Variants in TPMT observed in about 807,000 individuals in gnomAD.
The protein encoded by TPMT is thiopurine S-methyltransferase.
In TPMT, 18 loss-of-function variants were observed where a neutral mutation model predicts 34.2. That is an observed-to-expected ratio of 0.53 (90% CI 0.36 to 0.78). The LOEUF is 0.78. Ranked by LOEUF, TPMT falls within the 30% of genes least tolerant of loss-of-function variation. TPMT has a pLI of 0.00. For missense variants in TPMT, 265 were observed against 288.1 expected, an observed-to-expected ratio of 0.92 and a Z score of 0.58; for synonymous variants, 69 against 92.4, an observed-to-expected ratio of 0.75 and a Z score of 1.45.
rs1442210558 is a variant in TPMT at position 18,132,962 on chromosome 6, C to A, written c.581-785G>T. On this transcript the variant is annotated intron_variant, in intron 7 of 8. Transcript: ENST00000309983. This position sits in a 1 kb window ranked among gnomAD's most constrained non-coding sequence, Gnocchi z 4.8. Reference sequence around the variant, plus strand: ...TACAGAAATTAGCTGGGTGTGATGGCATACACTGTAATCCCAGCTACTTGG... The same window carrying A: ...TACAGAAATTAGCTGGGTGTGATGGAATACACTGTAATCCCAGCTACTTGG... Among the ~76,000 whole-genome samples the A allele has an allele frequency of 6.6e-6, 1 of 151,896 alleles. No homozygotes were observed. The highest frequency in any genetic ancestry group is 2.1e-4 in the South Asian group (1 of 4,816).
chr6:18,152,230 G>A (rs563332955), intron 1 of TPMT, among the ~76,000 whole-genome samples: 7 of 152,200 alleles, frequency 4.6e-5, no homozygotes, highest in Admixed American at 2.0e-4. Flanking sequence ...TCTCATTGCT[G>A]GTTTAGAATT....
In TPMT at chr6:18,131,092, T is replaced by C. The variant is rs984603887; in HGVS notation, c.626-312A>G. ...GATGGAGGTTGCAGTGAGCTGAGAT[T>C]GCACCATCGCGCTCTAGCCTAGGCA... On this transcript the variant is annotated intron_variant, in intron 8 of 8. Transcript: ENST00000309983. The surrounding 1 kb of genome is among the most constrained non-coding windows in gnomAD (Gnocchi z 4.3). 6.6e-6 allele frequency among the ~76,000 whole-genome samples: 1 copy of C among 152,196 alleles called. No individual in the cohort carries two copies. The highest frequency in any genetic ancestry group is 2.4e-5 in the African/African-American group (1 of 41,440).
Position 18,133,790 on chromosome 6 carries a change from C to A in TPMT, c.580+14G>T, listed in dbSNP as rs2842949. ...CAACTGGTAAAAGAAAAAAAAAAAA[C>A]CCAACAACTTTACCTGGATGTTTAG... is the stretch of plus-strand genomic sequence containing the variant. On this transcript the variant is annotated intron_variant, in intron 7 of 8. Transcript: ENST00000309983. 1,078,403 of 1,548,776 alleles carry A rather than the reference C, an allele frequency of 0.7. 378,858 individuals carry two copies. The highest frequency in any genetic ancestry group is 0.74 in the East Asian group (32,697 of 44,222).
In TPMT at chr6:18,146,655, AT is replaced by A. The variant is rs1784252945; in HGVS notation, c.233+1167del. 6.6e-6 allele frequency among the ~76,000 whole-genome samples: 1 copy of A among 152,112 alleles called. No individual in the cohort carries two copies. Among genetic ancestry groups the A allele is most frequent in the African/African-American group, 2.4e-5 (1 of 41,482 alleles). On this transcript the variant is annotated intron_variant, in intron 3 of 8. Transcript: ENST00000309983. This position sits in a 1 kb window ranked among gnomAD's most constrained non-coding sequence, Gnocchi z 6.2. ...ACATGACAATCTGTTTATAGAGTTA[AT>A]TTTTTTTGAGGGTAATTTTGAAAGT...
At chr6:18,147,266 G>T (rs1159189919) in intron 3 of TPMT, among the ~76,000 whole-genome samples, 2 of 152,198 alleles carry the variant, frequency 1.3e-5, no homozygotes, top group Non-Finnish European at 2.9e-5. Flanking sequence ...GTAACTCATA[G>T]TAAAAGTGGC....
At chr6:18,155,135 TCCGCCCGCGCCCCG>T (rs1784473154), upstream of TPMT, 3 of 8,060 alleles carry the variant, frequency 3.7e-4, no homozygotes, top group African/African-American at 8.4e-4. The surrounding 1 kb of genome is among the most constrained non-coding windows in gnomAD (Gnocchi z 6.2). Flanking sequence ...GCGCCCCGCC[TCCGCCCGCGCCCCG>T]CCTCCGCCCG....
Position 18,148,080 on chromosome 6 carries a change from A to G in TPMT, c.141-165T>C. Reference sequence around the variant, plus strand: ...AAACAGGTAACTTGCTCAGACACACACCCAGTCAGTGGTAAATCTGACTTA... The same window carrying G: ...AAACAGGTAACTTGCTCAGACACACGCCCAGTCAGTGGTAAATCTGACTTA... On this transcript the variant is annotated intron_variant, in intron 2 of 8. Coordinates refer to ENST00000309983, the MANE Select transcript of TPMT (RefSeq NM_000367.5). This position sits in a 1 kb window ranked among gnomAD's most constrained non-coding sequence, Gnocchi z 4.1. Among the ~76,000 whole-genome samples, 1 of 152,144 alleles carries G rather than the reference A, an allele frequency of 6.6e-6. No homozygotes were observed. The highest frequency in any genetic ancestry group is 2.4e-5 in the African/African-American group (1 of 41,438).
chr6:18,150,627 T>C lies in TPMT; in HGVS notation c.-44-1456A>G, dbSNP rs76571174. On this transcript the variant is annotated intron_variant, in intron 1 of 8. Transcript: ENST00000309983. This position sits in a 1 kb window ranked among gnomAD's most constrained non-coding sequence, Gnocchi z 5.3. ...TTATTTTTTAGTGACCACGCTTATATTGGTGAAGCCTAACCTCCAGAGCTT... is the reference window on the plus strand; with the variant it reads ...TTATTTTTTAGTGACCACGCTTATACTGGTGAAGCCTAACCTCCAGAGCTT... 8.4e-3 allele frequency among the ~76,000 whole-genome samples: 1,276 copies of C among 152,312 alleles called. 22 individuals are homozygous for C. The highest frequency in any genetic ancestry group is 0.029 in the African/African-American group (1,212 of 41,572).
intron 4 of TPMT, among the ~76,000 whole-genome samples, chr6:18,141,478 T>C (rs1784140061): frequency 6.6e-6 from 1 of 151,948 alleles, no homozygotes; most frequent in African/African-American, 2.4e-5. Flanking sequence ...TAGCTAGGAT[T>C]ATAGGTATGC....
In TPMT at chr6:18,135,416, G is replaced by A. The variant is rs558592463; in HGVS notation, c.495-1527C>T. ...ACTGGTTTACATTAGGCAAGAACTC[G>A]AGAGTCACAGCAGAAAATACATCAG... On this transcript the variant is annotated intron_variant, in intron 6 of 8. Coordinates refer to ENST00000309983, the MANE Select transcript of TPMT (RefSeq NM_000367.5). The surrounding 1 kb of genome is among the most constrained non-coding windows in gnomAD (Gnocchi z 5.0). Among the ~76,000 whole-genome samples, 2 of 152,118 alleles carry A rather than the reference G, an allele frequency of 1.3e-5. No individual in the cohort carries two copies. Among genetic ancestry groups the A allele is most frequent in the Non-Finnish European group, 2.9e-5 (2 of 68,028 alleles).
At position 18,150,569 on chromosome 6, in the gene TPMT, G is replaced by C. The variant is rs749294955; in HGVS notation, c.-44-1398C>G. On this transcript the variant is annotated intron_variant, in intron 1 of 8. Coordinates refer to ENST00000309983, the MANE Select transcript of TPMT (RefSeq NM_000367.5). This position sits in a 1 kb window ranked among gnomAD's most constrained non-coding sequence, Gnocchi z 5.3. ...GATTTCCTTCTTGTCTGAATCTCCAGCTTTATTTCATGTCTTCCTCTTTTT... is the reference window on the plus strand; with the variant it reads ...GATTTCCTTCTTGTCTGAATCTCCACCTTTATTTCATGTCTTCCTCTTTTT... Among the ~76,000 whole-genome samples the C allele has an allele frequency of 4.6e-5, 7 of 152,124 alleles. No individual in the cohort carries two copies. The highest frequency in any genetic ancestry group is 1.0e-4 in the Non-Finnish European group (7 of 68,030).
rs562354098 is a variant in TPMT, at chr6:18,135,555, C to G, written c.495-1666G>C. On this transcript the variant is annotated intron_variant, in intron 6 of 8. Transcript: ENST00000309983. This position sits in a 1 kb window ranked among gnomAD's most constrained non-coding sequence, Gnocchi z 5.0. ...AGCATGTAGATAAAGAACTAAGATA[C>G]TAAGTACCAGCACATATATAAAATA... Among the ~76,000 whole-genome samples the G allele has an allele frequency of 4.6e-5, 7 of 152,250 alleles. No homozygotes were observed. In the South Asian group the frequency reaches 1.2e-3, roughly 27 times the overall value.
In TPMT at chr6:18,140,301, A is replaced by G. The variant is rs138468598; in HGVS notation, c.367-584T>C. Among the ~76,000 whole-genome samples the G allele has an allele frequency of 3.9e-5, 6 of 152,284 alleles. No individual in the cohort carries two copies. The highest frequency in any genetic ancestry group is 1.4e-4 in the African/African-American group (6 of 41,574). Reference sequence around the variant, plus strand: ...GGGCACAGAGAACATTACAATCCAGAATGGCCTGCTCTGTTGTGGTTCTGT... The same window carrying G: ...GGGCACAGAGAACATTACAATCCAGGATGGCCTGCTCTGTTGTGGTTCTGT... On this transcript the variant is annotated intron_variant, in intron 4 of 8. Transcript: ENST00000309983. This position sits in a 1 kb window ranked among gnomAD's most constrained non-coding sequence, Gnocchi z 4.7.
chr6:18,142,228 C>G (rs556081800), intron 4 of TPMT, among the ~76,000 whole-genome samples: 2 of 151,934 alleles, frequency 1.3e-5, no homozygotes, highest in South Asian at 2.1e-4. Flanking sequence ...TATTAAACCT[C>G]CACTCCTGAA....
chr6:18,143,514 G>A lies in TPMT; in HGVS notation c.366+82C>T. 11 of 1,553,816 alleles carry A rather than the reference G, an allele frequency of 7.1e-6. No homozygotes were observed. Among genetic ancestry groups the A allele is most frequent in the Non-Finnish European group, 8.8e-6 (10 of 1,130,022 alleles). ...GCTAAATAGGAACCATCGGACACAT[G>A]AATGGTATCCTCATAATACTCACAC... On this transcript the variant is annotated intron_variant, in intron 4 of 8. Coordinates refer to ENST00000309983, the MANE Select transcript of TPMT (RefSeq NM_000367.5). This position sits in a 1 kb window ranked among gnomAD's most constrained non-coding sequence, Gnocchi z 6.1.
rs2842947 is a variant in TPMT at position 18,132,591 on chromosome 6, C to T, written c.581-414G>A. Among the ~76,000 whole-genome samples, 116,746 of 151,930 alleles carry T rather than the reference C, an allele frequency of 0.77. 44,961 individuals are homozygous for T. Among genetic ancestry groups the T allele is most frequent in the African/African-American group, 0.79 (32,587 of 41,434 alleles). ...CGCCCCCTTCTAAGAGCAGTATCCT[C>T]AGACTCCACCTCCAGACAGGGCCTG... On this transcript the variant is annotated intron_variant, in intron 7 of 8. Coordinates refer to ENST00000309983, the MANE Select transcript of TPMT (RefSeq NM_000367.5). The surrounding 1 kb of genome is among the most constrained non-coding windows in gnomAD (Gnocchi z 4.8).
chr6:18,130,698 A>T lies in TPMT; in HGVS notation c.708T>A (p.Phe236Leu). 7 of 1,612,550 alleles carry T rather than the reference A, an allele frequency of 4.3e-6. No individual in the cohort carries two copies. Among genetic ancestry groups the T allele is most frequent in the Non-Finnish European group, 5.9e-6 (7 of 1,179,644 alleles). Residue 236 changes from phenylalanine (F) to leucine (L), a missense_variant, in exon 9 of 9, where the codon TTT (phenylalanine) becomes TTA (leucine). Phe to Leu is a conservative substitution (Grantham distance 22, BLOSUM62 0). Transcript: ENST00000309983. This position sits in a 1 kb window ranked among gnomAD's most constrained non-coding sequence, Gnocchi z 4.2. ...TTTCTGTAAGTAGATATAACTTTTC[A>T]AAAAGACAGTCAATTCCCCAACTTT... ...RHKSWGIDCL[F>L]EKLYLLTEK
At chr6:18,152,711 G>A (rs1784376625) in intron 1 of TPMT, among the ~76,000 whole-genome samples, 2 of 151,644 alleles carry the variant, frequency 1.3e-5, no homozygotes, top group African/African-American at 4.8e-5. Flanking sequence ...CTTGAAAACT[G>A]AGTTCTGGGC....
intron 1 of TPMT, among the ~76,000 whole-genome samples, chr6:18,151,573 G>GATTTATTTATTT (rs70974705): frequency 1.4e-4 from 20 of 143,374 alleles, no homozygotes; most frequent in East Asian, 1.0e-3. Context: ...TGGAAACCTA[G>GATTTATTTATTT]ATTTATTTAT....
Sources: gnomAD v4.1 joint callset for allele counts (sites outside exome capture counted in the v4.1 genomes callset) on GRCh38, gnomAD v4.1.1 for gene constraint, Gnocchi (gnomAD v3.1) non-coding constraint, MANE v1.5 for transcripts, NCBI Gene and HGNC (gene_info 2026-07-23, HGNC 2026-07-21) for gene names.